ABAT: variants seen among roughly 807,000 people sequenced by gnomAD.
The protein encoded by ABAT is 4-aminobutyrate aminotransferase, mitochondrial.
In ABAT, 45 loss-of-function variants were observed where a neutral mutation model predicts 64.6. The ratio of observed to expected loss-of-function variants is 0.70; its 90% CI spans 0.55 to 0.89. ABAT has a LOEUF of 0.89. Among genes scored for constraint, ABAT ranks in the 40% least tolerant of loss-of-function variants. ABAT has a pLI of 0.00. For missense variants in ABAT, 633 were observed against 658.4 expected, an observed-to-expected ratio of 0.96 and a Z score of 0.42; for synonymous variants, 297 against 250.5, an observed-to-expected ratio of 1.19 and a Z score of -1.75.
chr16:8,722,973 T>C, intron 1 of ABAT: 1 of 820,758 alleles, frequency 1.2e-6, no homozygotes, highest in South Asian at 1.5e-5. Flanking sequence ...GCAAGGTGGC[T>C]CATGCCTGTA....
At chr16:8,736,165 A>G (rs1641001) in intron 2 of ABAT, 182,471 of 301,158 alleles carry the variant, frequency 0.61, 56,686 homozygotes, top group East Asian at 0.76. Context: ...GACTTACTCA[A>G]TTGACTATCA....
chr16:8,717,789 T>C (rs1367187068), intron 1 of ABAT, among the ~76,000 whole-genome samples: 3 of 152,194 alleles, frequency 2.0e-5, no homozygotes, highest in African/African-American at 7.2e-5. Context: ...GAAGGACTAA[T>C]TTAAGAATTA....
chr16:8,702,187 T>C (rs986006257), intron 1 of ABAT, among the ~76,000 whole-genome samples: 1 of 151,506 alleles, frequency 6.6e-6, no homozygotes, highest in African/African-American at 2.4e-5. Context: ...CTTACAATCA[T>C]GGCAGGAGGT....
chr16:8,751,605 C>T (rs1023181189), intron 5 of ABAT, among the ~76,000 whole-genome samples: 1 of 152,206 alleles, frequency 6.6e-6, no homozygotes, highest in Non-Finnish European at 1.5e-5. Context: ...TATGACCCTT[C>T]ACCAGCCAGT....
At chr16:8,676,714 C>T (rs1244191030) in intron 1 of ABAT, among the ~76,000 whole-genome samples, 4 of 152,242 alleles carry the variant, frequency 2.6e-5, no homozygotes, top group Non-Finnish European at 5.9e-5. Context: ...AGGAACCTCA[C>T]TTGCATAGCT....
intron 5 of ABAT, among the ~76,000 whole-genome samples, chr16:8,751,258 T>A (rs976202781): frequency 2.0e-5 from 3 of 152,040 alleles, no homozygotes; most frequent in African/African-American, 7.2e-5. Flanking sequence ...CTAATTTTTT[T>A]ATTTTTTGTA....
intron 1 of ABAT, among the ~76,000 whole-genome samples, chr16:8,685,536 C>A (rs747287249): frequency 6.6e-6 from 1 of 151,348 alleles, no homozygotes; most frequent in Admixed American, 6.6e-5. Context: ...ATTAGCCTGG[C>A]GTGGCAGCCT....
chr16:8,723,059 C>G (rs13338663), intron 1 of ABAT, among the ~76,000 whole-genome samples: 102 of 152,150 alleles, frequency 6.7e-4, no homozygotes, highest in African/African-American at 2.3e-3. Flanking sequence ...ATGGTGAAAC[C>G]CTGTCTCTAC....
intron 1 of ABAT, among the ~76,000 whole-genome samples, chr16:8,697,840 T>A (rs572185883): frequency 2.0e-5 from 3 of 152,194 alleles, no homozygotes; most frequent in Non-Finnish European, 4.4e-5. Flanking sequence ...TTTCACCATG[T>A]TGGCCAGGCT....
intron 12 of ABAT, 78 bp from the exon 13 acceptor site, chr16:8,774,812 G>T (rs1263108693): frequency 2.5e-6 from 4 of 1,576,532 alleles, no homozygotes; most frequent in East Asian, 2.2e-5. Context: ...GGGTTTGGCA[G>T]TTAGCTGGCT....
At chr16:8,694,502 C>T (rs1030714435) in intron 1 of ABAT, among the ~76,000 whole-genome samples, 7 of 152,072 alleles carry the variant, frequency 4.6e-5, no homozygotes, top group Admixed American at 1.3e-4. Context: ...GCAATTCTCC[C>T]GAGCAGCTGG....
chr16:8,777,738 A>G (rs1430366846), intron 14 of ABAT, among the ~76,000 whole-genome samples: 1 of 152,170 alleles, frequency 6.6e-6, no homozygotes, highest in Non-Finnish European at 1.5e-5. Context: ...TGCTAGAGTA[A>G]GTGCTGGAAG....
intron 11 of ABAT, 45 bp downstream of exon 11, chr16:8,769,018 T>C (rs750648539): frequency 1.2e-6 from 2 of 1,612,918 alleles, no homozygotes; most frequent in East Asian, 4.5e-5. Flanking sequence ...CCAGTCCTGT[T>C]GCTCTTGCCG....
intron 6 of ABAT, among the ~76,000 whole-genome samples, chr16:8,759,789 C>G (rs1319926730): frequency 6.6e-6 from 1 of 152,198 alleles, no homozygotes; most frequent in Non-Finnish European, 1.5e-5. Context: ...AGTAATCCTC[C>G]TGCCTCGGTC....
intron 2 of ABAT, among the ~76,000 whole-genome samples, chr16:8,742,183 T>C (rs149922855): frequency 6.6e-6 from 1 of 152,300 alleles, no homozygotes; most frequent in Non-Finnish European, 1.5e-5. Flanking sequence ...CAGCTCCTGT[T>C]TCCCCATGGC....
chr16:8,701,899 G>A (rs770675499), intron 1 of ABAT, among the ~76,000 whole-genome samples: 68 of 151,702 alleles, frequency 4.5e-4, no homozygotes, highest in Non-Finnish European at 9.0e-4. Flanking sequence ...AAGGAACCAC[G>A]AGGGGGCCAG....
chr16:8,732,796 G>A (rs1442628822), intron 1 of ABAT, among the ~76,000 whole-genome samples: 1 of 149,732 alleles, frequency 6.7e-6, no homozygotes, highest in African/African-American at 2.5e-5. Context: ...CAGTAGGGGC[G>A]GCCGGGCAGA....
rs1273409992 is a variant in ABAT at position 8,779,566 on chromosome 16, C to G, written c.1357C>G (p.Leu453Val). Residue 453 changes from leucine (L) to valine (V), a missense_variant, in exon 15 of 16, where the codon CTC (leucine) becomes GTC (valine). Transcript: ENST00000268251. ...TCCCGATGATTCCATACGGAATAAG[C>G]TCATTTTAATTGCCAGAAACAAAGG... ...DTPDDSIRNK[L>V]ILIARNKGVV... 1 of 1,614,108 alleles carries G rather than the reference C, an allele frequency of 6.2e-7. No homozygotes were observed.
intron 1 of ABAT, among the ~76,000 whole-genome samples, chr16:8,732,794 G>C (rs1367923340): frequency 8.0e-5 from 12 of 150,528 alleles, no homozygotes; most frequent in Non-Finnish European, 1.5e-5. Flanking sequence ...CCCAGTAGGG[G>C]CGGCCGGGCA....
Sources: gnomAD v4.1 joint callset for allele counts (sites outside exome capture counted in the v4.1 genomes callset) on GRCh38, gnomAD v4.1.1 for gene constraint, MANE v1.5 for transcripts, NCBI Gene and HGNC (gene_info 2026-07-23, HGNC 2026-07-21) for gene names.